Variants in SLC38A8 observed in about 807,000 individuals in gnomAD.
The protein encoded by SLC38A8 is solute carrier family 38 member 8.
A neutral mutation model predicts 46.0 loss-of-function variants in SLC38A8; 65 were observed. The ratio of observed to expected loss-of-function variants is 1.41; its 90% CI spans 1.16 to 1.74. The LOEUF (loss-of-function observed/expected upper bound fraction) is 1.74, where lower values mean the gene tolerates loss of function less well. Among genes scored for constraint, SLC38A8 ranks in the 40% most tolerant of loss-of-function variants. SLC38A8 has a pLI of 0.00. For synonymous variants in SLC38A8, 447 were observed against 243.7 expected (o/e 1.83, Z -7.77); for missense variants, 998 against 567.9 (o/e 1.76, Z -7.70).
chr16:84,042,463 A>C (rs1435070318), intron 1 of SLC38A8, 88 bp downstream of exon 1: 7 of 242,110 alleles, frequency 2.9e-5, no homozygotes, highest in East Asian at 8.3e-5. Context: ...CCTCATCCCC[A>C]TCAATCCTCT....
At chr16:84,029,041 T>C (rs1273507855) in intron 6 of SLC38A8, among the ~76,000 whole-genome samples, 1 of 152,062 alleles carries the variant, frequency 6.6e-6, no homozygotes, top group Non-Finnish European at 1.5e-5. Flanking sequence ...TCCTCTACCC[T>C]GTACCCCTCA....
intron 2 of SLC38A8, among the ~76,000 whole-genome samples, chr16:84,037,678 T>C (rs562004935): frequency 1.3e-5 from 2 of 152,018 alleles, no homozygotes; most frequent in East Asian, 3.9e-4. Context: ...GCAAAATCTC[T>C]TGAACCTGGG....
intron 7 of SLC38A8, among the ~76,000 whole-genome samples, chr16:84,019,689 G>C (rs911873447): frequency 3.9e-5 from 6 of 152,206 alleles, no homozygotes; most frequent in Admixed American, 6.5e-5. Flanking sequence ...CACCAACTCA[G>C]AGGTCCAAAG....
chr16:84,010,822 T>C (rs559837008), intron 10 of SLC38A8, among the ~76,000 whole-genome samples: 49 of 152,110 alleles, frequency 3.2e-4, no homozygotes, highest in Admixed American at 5.9e-4. Context: ...TTCCTCAGCC[T>C]CTGATGAAAT....
Position 84,016,676 on chromosome 16 carries a change from G to C in SLC38A8, c.1005C>G (p.Pro335=). ...WRRSCLGGWG[P]SALADPSGLW... ...GCCCTGAGGGGTCGGCCAGGGCGCT[G>C]GGCCCCCATCCCCCCAAGCAGCTCC... Residue 335 remains proline, a synonymous_variant, in exon 9 of 11, where the codon CCC becomes CCG. Transcript: ENST00000299709. 1 of 1,613,496 alleles carries C rather than the reference G, an allele frequency of 6.2e-7. No individual in the cohort carries two copies. The highest frequency in any genetic ancestry group is 8.5e-7 in the Non-Finnish European group (1 of 1,179,984).
At chr16:84,013,683 C>T (rs1325787384) in intron 9 of SLC38A8, among the ~76,000 whole-genome samples, 2 of 151,596 alleles carry the variant, frequency 1.3e-5, no homozygotes, top group Non-Finnish European at 2.9e-5. Context: ...CCCGCCTTGG[C>T]CTCCCAAAGT....
At position 84,036,709 on chromosome 16, in the gene SLC38A8, C is replaced by T. The variant is rs1211004024; in HGVS notation, c.381G>A (p.Leu127=). ...VAFLRVIGDQ[L]EKLCDSLLSG... ...TCCCATGAAGGTACTTACGCTTCTC[C>T]AGCTGGTCCCCGATCACCCTGAGGA... Residue 127 remains leucine (L), a synonymous_variant, in exon 3 of 11, where the codon CTG becomes CTA. Transcript: ENST00000299709. The T allele has an allele frequency of 1.2e-6, 2 of 1,614,168 alleles. No homozygotes were observed. The highest frequency in any genetic ancestry group is 2.2e-5 in the East Asian group (1 of 44,872).
chr16:84,009,923 A>G, intron 10 of SLC38A8, 46 bp from the exon 11 acceptor site: 1 of 1,561,302 alleles, frequency 6.4e-7, no homozygotes, highest in Non-Finnish European at 8.8e-7. Context: ...GGATTTTTGC[A>G]CAAATAAGCC....
At chr16:84,024,668 T>A (rs753013747) in intron 6 of SLC38A8, among the ~76,000 whole-genome samples, 31 of 152,026 alleles carry the variant, frequency 2.0e-4, no homozygotes, top group Non-Finnish European at 5.9e-5. Context: ...GTAATCCTAG[T>A]TACTTGGGAG....
chr16:84,017,504 T>C (rs1399765424), intron 7 of SLC38A8, among the ~76,000 whole-genome samples: 3 of 152,126 alleles, frequency 2.0e-5, no homozygotes, highest in Admixed American at 2.0e-4. Context: ...CCGCCACTTA[T>C]CCTCCTTTCA....
At chr16:84,035,035 C>CT (rs2085286020) in intron 3 of SLC38A8, among the ~76,000 whole-genome samples, 1 of 152,186 alleles carries the variant, frequency 6.6e-6, no homozygotes, top group Admixed American at 6.5e-5. Flanking sequence ...GAGAGGCATC[C>CT]CCAAATATCT....
chr16:84,011,493 C>T (rs1445058838), intron 10 of SLC38A8, among the ~76,000 whole-genome samples: 2 of 152,120 alleles, frequency 1.3e-5, no homozygotes, highest in Non-Finnish European at 2.9e-5. Flanking sequence ...GGCTAGAGGG[C>T]CGGGGGTATA....
Position 84,016,665 on chromosome 16 carries a change from G to C in SLC38A8, c.1016C>G (p.Ala339Gly), listed in dbSNP as rs147289037. 24 of 1,613,636 alleles carry C rather than the reference G, an allele frequency of 1.5e-5. No homozygotes were observed. The African/African-American group carries it at 2.7e-4, about 18-fold the overall frequency. ...CCGGACCCACAGCCCTGAGGGGTCG[G>C]CCAGGGCGCTGGGCCCCCATCCCCC... Reference protein sequence around the residue: ...CLGGWGPSALADPSGLWVRMP... With the variant: ...CLGGWGPSALGDPSGLWVRMP... Residue 339 changes from alanine (A) to glycine (G), a missense_variant, in exon 9 of 11, where the codon GCC becomes GGC. Physicochemically the swap from Ala to Gly is moderately conservative, Grantham distance 60 (BLOSUM62 0). Transcript: ENST00000299709.
At position 84,018,284 on chromosome 16, in the gene SLC38A8, G is replaced by C. The variant is rs546545044; in HGVS notation, c.806-997C>G. On this transcript the variant is annotated intron_variant, in intron 7 of 10. Coordinates refer to ENST00000299709, the MANE Select transcript of SLC38A8 (RefSeq NM_001080442.3). Reference sequence around the variant, plus strand: ...GTCTCTCTCTGTCGCCCAGGCTGGAGTGCAGTGGCACGATCTCGGCTCACT... The same window carrying C: ...GTCTCTCTCTGTCGCCCAGGCTGGACTGCAGTGGCACGATCTCGGCTCACT... Among the ~76,000 whole-genome samples the C allele has an allele frequency of 9.2e-5, 13 of 141,580 alleles. No homozygotes were observed. In the South Asian group the frequency reaches 1.6e-3, roughly 17 times the overall value. The allele number at this position is 141,580 out of a possible 152,430, so 92.9% of individuals were successfully genotyped here.
intron 6 of SLC38A8, among the ~76,000 whole-genome samples, 180 bp downstream of exon 6, chr16:84,029,314 C>G (rs2085208653): frequency 6.6e-6 from 1 of 152,202 alleles, no homozygotes; most frequent in Admixed American, 6.5e-5. Flanking sequence ...GACACCAACC[C>G]ATCCTCATGG....
chr16:84,031,868 T>TC lies in SLC38A8; in HGVS notation c.630dup (p.Ser211GlufsTer73), dbSNP rs1451049225. The stretch of plus-strand genomic sequence containing the variant: ...CGGAAGCTGTTCCCTCAGACTTACC[T>TC]CAGTGAAGGATGGGACTCACGCACG... On this transcript the variant is annotated frameshift_variant and splice_region_variant, in exon 5 of 11. Transcript: ENST00000299709. LOFTEE classifies it high-confidence loss of function. 7 of 1,613,826 alleles carry TC rather than the reference T, an allele frequency of 4.3e-6. No homozygotes were observed. The South Asian group carries it at 7.7e-5, about 18-fold the overall frequency.
chr16:84,016,458 C>T, intron 9 of SLC38A8, 61 bp downstream of exon 9: 2 of 1,566,298 alleles, frequency 1.3e-6, no homozygotes, highest in Non-Finnish European at 1.7e-6. Flanking sequence ...CACTGGGAGT[C>T]CCCACAGAGA....
Position 84,016,573 on chromosome 16 carries a change from CGCTGAGGTCAG to C in SLC38A8, c.1097_1107del (p.Pro366ArgfsTer71). ...ATGCCTCCGATGATGCTGACGATCT[CGCTGAGGTCAG>C]GCATAAACAGCGCCATGGCGAGCGT... On this transcript the variant is annotated frameshift_variant, in exon 9 of 11. Transcript: ENST00000299709. LOFTEE classifies it high-confidence loss of function. 1 of 1,614,078 alleles carries C rather than the reference CGCTGAGGTCAG, an allele frequency of 6.2e-7. No individual in the cohort carries two copies. The highest frequency in any genetic ancestry group is 2.2e-5 in the East Asian group (1 of 44,882).
chr16:84,012,504 G>A (rs556688125), intron 10 of SLC38A8, among the ~76,000 whole-genome samples: 6 of 152,288 alleles, frequency 3.9e-5, no homozygotes, highest in South Asian at 2.1e-4. Context: ...ACTAGCATCC[G>A]GGCCCGCCTC....
Sources: allele counts gnomAD v4.1 joint callset (sites outside exome capture counted in the v4.1 genomes callset), GRCh38; gene constraint gnomAD v4.1.1; transcripts MANE v1.5; gene names NCBI Gene and HGNC (gene_info 2026-07-23, HGNC 2026-07-21).